CPEB3: variants seen among roughly 807,000 people sequenced by gnomAD.
The protein encoded by CPEB3 is cytoplasmic polyadenylation element-binding protein 3.
CPEB3 carries 20 observed loss-of-function variants against 67.2 expected under a neutral mutation model. The ratio of observed to expected loss-of-function variants is 0.30; its 90% CI spans 0.21 to 0.43. The LOEUF is 0.43. Ranked by LOEUF, CPEB3 falls within the 20% of genes least tolerant of loss-of-function variation. The pLI, the probability that CPEB3 is intolerant of heterozygous loss-of-function variation, is 1.00. For synonymous variants in CPEB3, 376 were observed against 393.1 expected (o/e 0.96, Z 0.51); for missense variants, 746 against 968.6 (o/e 0.77, Z 3.05).
chr10:92,175,744 G>C (rs1848195392), intron 4 of CPEB3, among the ~76,000 whole-genome samples: 1 of 152,174 alleles, frequency 6.6e-6, no homozygotes, highest in Non-Finnish European at 1.5e-5. Flanking sequence ...AGCTATGCTA[G>C]CTTATGTGAT....
At chr10:92,132,687 T>C (rs1293552176) in intron 6 of CPEB3, among the ~76,000 whole-genome samples, 1 of 152,020 alleles carries the variant, frequency 6.6e-6, no homozygotes, top group East Asian at 1.9e-4. Flanking sequence ...TCTACAGAAC[T>C]CTCCACCCCA....
At chr10:92,194,317 G>A (rs942195575) in intron 2 of CPEB3, among the ~76,000 whole-genome samples, 1 of 151,818 alleles carries the variant, frequency 6.6e-6, no homozygotes, top group East Asian at 2.0e-4. Flanking sequence ...GTGCGTGCCT[G>A]TAATCCCAGC....
chr10:92,282,940 A>C lies in CPEB3; in HGVS notation c.-12+7986T>G, dbSNP rs962003850. Among the ~76,000 whole-genome samples, 21 of 152,050 alleles carry C rather than the reference A, an allele frequency of 1.4e-4. 1 individual carries two copies. Among genetic ancestry groups the C allele is most frequent in the Admixed American group, 1.4e-3 (21 of 15,250 alleles). On this transcript the variant is annotated intron_variant, in intron 1 of 9. Transcript: ENST00000265997. ...TATTTCTGTTTCCAACCCACCATACATACCACTCCAAGATTAATCCCCTAA... is the reference window on the plus strand; with the variant it reads ...TATTTCTGTTTCCAACCCACCATACCTACCACTCCAAGATTAATCCCCTAA...
intron 9 of CPEB3, among the ~76,000 whole-genome samples, chr10:92,068,570 A>T (rs1842641047): frequency 6.6e-6 from 1 of 152,202 alleles, no homozygotes; most frequent in Admixed American, 6.5e-5. Flanking sequence ...TTTAGAAAAA[A>T]GGCAATGGAC....
intron 6 of CPEB3, among the ~76,000 whole-genome samples, chr10:92,116,795 AC>A (rs1243072583): frequency 6.6e-6 from 1 of 152,126 alleles, no homozygotes; most frequent in South Asian, 2.1e-4. Context: ...CACCAACACA[AC>A]CCTGAGTTAC....
chr10:92,134,501 A>T (rs1845994277), intron 6 of CPEB3, among the ~76,000 whole-genome samples: 1 of 151,948 alleles, frequency 6.6e-6, no homozygotes, highest in South Asian at 2.1e-4. Context: ...CCACTGCTCA[A>T]TGAAATAAAA....
chr10:92,203,911 C>T (rs565662589), intron 2 of CPEB3, among the ~76,000 whole-genome samples: 51 of 152,272 alleles, frequency 3.3e-4, no homozygotes, highest in Non-Finnish European at 6.6e-4. Flanking sequence ...ACAACATGCA[C>T]CTTTTACATT....
intron 9 of CPEB3, among the ~76,000 whole-genome samples, chr10:92,055,632 C>T (rs1176614265): frequency 6.6e-6 from 1 of 152,148 alleles, no homozygotes; most frequent in Non-Finnish European, 1.5e-5. Context: ...CTTCCAAACA[C>T]CTCTTTTAAG....
chr10:92,088,296 G>C (rs1189637662), intron 8 of CPEB3, among the ~76,000 whole-genome samples: 1 of 144,220 alleles, frequency 6.9e-6, no homozygotes, highest in African/African-American at 2.6e-5. Context: ...TGCAATCTCA[G>C]CTCACTGCAG....
intron 9 of CPEB3, among the ~76,000 whole-genome samples, chr10:92,065,790 C>T (rs1018507650): frequency 3.9e-5 from 6 of 152,120 alleles, no homozygotes; most frequent in African/African-American, 1.2e-4. Flanking sequence ...TGGGTTTTGC[C>T]TGTCCTTTAA....
intron 1 of CPEB3, chr10:92,272,148 T>C (rs996861385): frequency 5.9e-5 from 9 of 152,290 alleles, no homozygotes; most frequent in Non-Finnish European, 1.3e-4. Flanking sequence ...TAATTTTTTT[T>C]AAGACTAGTC....
At chr10:92,118,871 G>GGGAAGATGGCTTTGAGGT in intron 6 of CPEB3, 1 of 818,616 alleles carries the variant, frequency 1.2e-6, no homozygotes, top group South Asian at 1.3e-5. Context: ...CTGCCACCAT[G>GGGAAGATGGCTTTGAGGT]ACACTGGTAC....
chr10:92,259,711 AAGCTTCTTG>A (rs1852709187), intron 1 of CPEB3, among the ~76,000 whole-genome samples: 2 of 152,232 alleles, frequency 1.3e-5, no homozygotes, highest in Admixed American at 1.3e-4. Context: ...CTAGAACTCT[AAGCTTCTTG>A]AGGCCAGGCA....
intron 2 of CPEB3, among the ~76,000 whole-genome samples, chr10:92,218,267 A>G (rs1302594501): frequency 6.6e-6 from 1 of 151,978 alleles, no homozygotes; most frequent in Non-Finnish European, 1.5e-5. Context: ...ATTAGCCCAG[A>G]GTGGCGGCAC....
chr10:92,264,846 G>A (rs1852978907), intron 1 of CPEB3, among the ~76,000 whole-genome samples: 1 of 152,098 alleles, frequency 6.6e-6, no homozygotes, highest in African/African-American at 2.4e-5. Flanking sequence ...CTGAGACCAG[G>A]TTGCACAACA....
intron 1 of CPEB3, among the ~76,000 whole-genome samples, chr10:92,289,454 A>T (rs940430858): frequency 9.9e-5 from 15 of 151,888 alleles, no homozygotes; most frequent in Non-Finnish European, 1.9e-4. Context: ...GGCTAGAAGG[A>T]TCACTTGAAG....
chr10:92,157,089 G>T (rs1343892108), intron 4 of CPEB3, among the ~76,000 whole-genome samples: 5 of 152,142 alleles, frequency 3.3e-5, no homozygotes, highest in Non-Finnish European at 5.9e-5. Flanking sequence ...GCTTTAACTT[G>T]GTCACACAGC....
At chr10:92,156,629 C>T (rs1035921075) in intron 4 of CPEB3, among the ~76,000 whole-genome samples, 1 of 152,114 alleles carries the variant, frequency 6.6e-6, no homozygotes, top group African/African-American at 2.4e-5. Flanking sequence ...TGACAGTGAT[C>T]ATTTTTCTAG....
At chr10:92,188,691 G>A (rs1178850519) in intron 3 of CPEB3, among the ~76,000 whole-genome samples, 3 of 152,070 alleles carry the variant, frequency 2.0e-5, no homozygotes, top group African/African-American at 7.2e-5. Flanking sequence ...CTGCACTCCA[G>A]CCTGGGCGAC....
Sources: gnomAD v4.1 joint callset for allele counts (sites outside exome capture counted in the v4.1 genomes callset) on GRCh38, gnomAD v4.1.1 for gene constraint, MANE v1.5 for transcripts, NCBI Gene and HGNC (gene_info 2026-07-23, HGNC 2026-07-21) for gene names.